Variants in SUPT16H observed in about 807,000 individuals in gnomAD.
The protein encoded by SUPT16H is FACT complex subunit SPT16.
A neutral mutation model predicts 136.2 loss-of-function variants in SUPT16H; 24 were observed. That is an observed-to-expected ratio of 0.18 (90% CI 0.13 to 0.25). The LOEUF (loss-of-function observed/expected upper bound fraction) is 0.25, where lower values mean the gene tolerates loss of function less well. Among genes scored for constraint, SUPT16H ranks in the 10% least tolerant of loss-of-function variants. The pLI, the probability that SUPT16H is intolerant of heterozygous loss-of-function variation, is 1.00. For synonymous variants in SUPT16H, 415 were observed against 428.2 expected, an observed-to-expected ratio of 0.97 and a Z score of 0.38; for missense variants, 623 against 1,270.2, an observed-to-expected ratio of 0.49 and a Z score of 7.74.
intron 22 of SUPT16H, among the ~76,000 whole-genome samples, chr14:21,356,292 A>G (rs1456679149): frequency 6.6e-6 from 1 of 152,218 alleles, no homozygotes; most frequent in Non-Finnish European, 1.5e-5. Flanking sequence ...GGAAAGCAGT[A>G]GGACAGACAA....
rs765221140 is a variant in SUPT16H at position 21,352,703 on chromosome 14, G to A, written c.3114C>T (p.Ser1038=). ...GRGSNRGSRH[S]SAPPKKKRK is the part of the protein sequence containing the mutation. ...TCCTCTTTTTCTTGGGGGGTGCAGA[G>A]CTGTGTCTGGAACCACGGTTAGAGC... Residue 1038 remains serine (S), a synonymous_variant, in exon 26 of 26, where the codon AGC becomes AGT. Transcript: ENST00000216297. 6.2e-6 allele frequency: 10 copies of A among 1,614,200 alleles called. No individual in the cohort carries two copies. Among genetic ancestry groups the A allele is most frequent in the South Asian group, 4.4e-5 (4 of 91,076 alleles).
chr14:21,362,691 A>C, intron 14 of SUPT16H, 103 bp downstream of exon 14: 1 of 1,304,052 alleles, frequency 7.7e-7, no homozygotes, highest in East Asian at 2.3e-5. Flanking sequence ...AGTCTGAAGG[A>C]GTCAAAAGTG....
intron 8 of SUPT16H, among the ~76,000 whole-genome samples, chr14:21,365,546 A>T (rs1436974426): frequency 1.3e-5 from 2 of 152,180 alleles, no homozygotes; most frequent in Non-Finnish European, 2.9e-5. Context: ...GATTCGTAAG[A>T]CTTGTTATAT....
rs1886303334 is a variant in SUPT16H, at chr14:21,351,731, A to C, written c.*942T>G. ...AAAGCTGTTCAACAGAAACTGTGAT[A>C]AATACAGGACAATGCAAGACAAAGT... On this transcript the variant is annotated 3_prime_UTR_variant, in exon 26 of 26. Coordinates refer to ENST00000216297, the MANE Select transcript of SUPT16H (RefSeq NM_007192.4). 6.5e-6 allele frequency: 1 copy of C among 154,432 alleles called. No individual in the cohort carries two copies. The highest frequency in any genetic ancestry group is 1.4e-5 in the Non-Finnish European group (1 of 69,178). The allele number at this position is 154,432 out of a possible 1,614,324, so 9.6% of individuals were successfully genotyped here. A position where few individuals can be genotyped will look rare whatever the true frequency, so the allele number is the denominator to read the frequency against.
intron 20 of SUPT16H, 104 bp from the exon 21 acceptor site, chr14:21,358,106 ACT>A: frequency 1.9e-6 from 2 of 1,065,236 alleles, no homozygotes; most frequent in Non-Finnish European, 2.8e-6. Flanking sequence ...GCTCCAGCAT[ACT>A]CACTGGAGAC....
intron 22 of SUPT16H, 74 bp from the exon 23 acceptor site, chr14:21,354,614 C>A: frequency 1.3e-6 from 2 of 1,559,210 alleles, no homozygotes; most frequent in African/African-American, 1.4e-5. Context: ...TTTTTTGAGA[C>A]AGAGTCTTGC....
At chr14:21,361,387 G>A in intron 15 of SUPT16H, 174 bp from the exon 16 acceptor site, 1 of 731,798 alleles carries the variant, frequency 1.4e-6, no homozygotes, top group Non-Finnish European at 2.2e-6. Context: ...CCCAATCTTA[G>A]CTCACTGCAA....
intron 1 of SUPT16H, among the ~76,000 whole-genome samples, chr14:21,375,275 G>C (rs1413801619): frequency 2.0e-5 from 3 of 151,832 alleles, no homozygotes; most frequent in Non-Finnish European, 2.9e-5. Flanking sequence ...TTGGCCTCCT[G>C]AAGTGCTGGG....
intron 1 of SUPT16H, among the ~76,000 whole-genome samples, chr14:21,379,441 GA>G (rs35245464): frequency 3.0e-4 from 40 of 133,820 alleles, no homozygotes; most frequent in African/African-American, 8.1e-4. Context: ...CTCAAAAAAA[GA>G]AAAAAAAAAA....
rs780519589 is a variant in SUPT16H at position 21,368,395 on chromosome 14, T to C, written c.829A>G (p.Ile277Val). Residue 277 changes from isoleucine to valine, a missense_variant, in exon 7 of 26, where the codon ATT becomes GTT. By Grantham distance (29) the Ile-to-Val change is conservative. Transcript: ENST00000216297. ...HFGAITCAMGIRFKSYCSNLV... is the reference protein window; with the variant it reads ...HFGAITCAMGVRFKSYCSNLV... ...TTGGAGCAGTAAGACTTGAAGCGAA[T>C]ACCCATGGCACAAGTGATAGCCCCA... 6.2e-7 allele frequency: 1 copy of C among 1,613,994 alleles called. No homozygotes were observed.
chr14:21,373,735 A>G (rs1453832877), intron 1 of SUPT16H, among the ~76,000 whole-genome samples: 1 of 152,116 alleles, frequency 6.6e-6, no homozygotes, highest in African/African-American at 2.4e-5. Context: ...AAATTTTATT[A>G]CTTATTTTTG....
chr14:21,362,158 A>C (rs769847932), intron 15 of SUPT16H, 39 bp downstream of exon 15: 2 of 1,600,972 alleles, frequency 1.2e-6, no homozygotes, highest in Non-Finnish European at 1.7e-6. Flanking sequence ...ACCACTCCAG[A>C]CAAGATGAAT....
At chr14:21,378,964 G>A (rs1045382332) in intron 1 of SUPT16H, among the ~76,000 whole-genome samples, 4 of 152,148 alleles carry the variant, frequency 2.6e-5, no homozygotes, top group South Asian at 2.1e-4. Context: ...GAGAAATAGT[G>A]CAGCAGCAGA....
chr14:21,383,730 G>C (rs761940046), intron 1 of SUPT16H, 132 bp downstream of exon 1: 4 of 1,008,126 alleles, frequency 4.0e-6, no homozygotes, highest in Admixed American at 1.9e-5. Flanking sequence ...TGAATGATTC[G>C]GGAGCAACGA....
At chr14:21,369,125 A>G in intron 6 of SUPT16H, 79 bp downstream of exon 6, 2 of 1,507,190 alleles carry the variant, frequency 1.3e-6, no homozygotes, top group Non-Finnish European at 1.8e-6. Context: ...AGTGTACCCC[A>G]CAAATTTGTA....
In SUPT16H at chr14:21,369,822, T is replaced by C; in HGVS notation, c.558A>G (p.Ala186=). The C allele has an allele frequency of 1.9e-6, 3 of 1,614,222 alleles. No homozygotes were observed. The highest frequency in any genetic ancestry group is 2.5e-6 in the Non-Finnish European group (3 of 1,180,028). The change falls in exon 5 of 26, where the codon GCA becomes GCG. Residue 186 remains alanine, a synonymous_variant. Transcript: ENST00000216297. ...TGAAGACTTCAGAAGTGATGCTGGC[T>C]GCTTTCTTCATTAGGTTGAGCTCCC... ...EDGELNLMKK[A]ASITSEVFNK...
Position 21,351,938 on chromosome 14 carries a change from A to G in SUPT16H, c.*735T>C, listed in dbSNP as rs1354360957. 6.5e-6 allele frequency: 1 copy of G among 152,724 alleles called. No individual in the cohort carries two copies. The highest frequency in any genetic ancestry group is 1.5e-5 in the Non-Finnish European group (1 of 68,230). The allele number at this position is 152,724 out of a possible 1,614,324, so 9.5% of individuals were successfully genotyped here. A position where few individuals can be genotyped will look rare whatever the true frequency, so the allele number is the denominator to read the frequency against. On this transcript the variant is annotated 3_prime_UTR_variant, in exon 26 of 26. Coordinates refer to ENST00000216297, the MANE Select transcript of SUPT16H (RefSeq NM_007192.4). ...AGCGGTACATGAGGCACAACCTGATATATCTTCCTTAGATATATGAGAAAA... is the reference window on the plus strand; with the variant it reads ...AGCGGTACATGAGGCACAACCTGATGTATCTTCCTTAGATATATGAGAAAA...
chr14:21,363,344 T>G lies in SUPT16H; in HGVS notation c.1300-16A>C. On this transcript the variant is annotated splice_polypyrimidine_tract_variant and intron_variant, in intron 11 of 25. Coordinates refer to ENST00000216297, the MANE Select transcript of SUPT16H (RefSeq NM_007192.4). ...CATCTTCATTCTATGGAAAAAGTCA[T>G]AATCAAAAAATGAAATTTTAATTAT... 1 of 1,598,998 alleles carries G rather than the reference T, an allele frequency of 6.3e-7. No individual in the cohort carries two copies. The highest frequency in any genetic ancestry group is 2.3e-5 in the East Asian group (1 of 43,638).
rs1228388314 is a variant in SUPT16H, at chr14:21,373,391, C to T, written c.106G>A (p.Val36Ile). The T allele has an allele frequency of 1.2e-6, 2 of 1,614,126 alleles. No homozygotes were observed. The highest frequency in any genetic ancestry group is 2.7e-5 in the African/African-American group (2 of 75,042). ...ATTTCTTCATCAACACCCACTGATACAACAATGGCATCAACGTTGGCATAC... is the reference window on the plus strand; with the variant it reads ...ATTTCTTCATCAACACCCACTGATATAACAATGGCATCAACGTTGGCATAC... ...DEYANVDAIV[V>I]SVGVDEEIVY... Residue 36 changes from valine (V) to isoleucine (I), a missense_variant, in exon 2 of 26, where the codon GTA (valine) becomes ATA (isoleucine). By Grantham distance (29) the Val-to-Ile change is conservative (BLOSUM62 3). Transcript: ENST00000216297.
Sources: gnomAD v4.1 joint callset for allele counts (sites outside exome capture counted in the v4.1 genomes callset) on GRCh38, gnomAD v4.1.1 for gene constraint, MANE v1.5 for transcripts, NCBI Gene and HGNC (gene_info 2026-07-23, HGNC 2026-07-21) for gene names.